HCN2: variants seen among roughly 807,000 people sequenced by gnomAD.
The protein encoded by HCN2 is hyperpolarization activated cyclic nucleotide gated potassium and sodium channel 2, also known as potassium/sodium hyperpolarization-activated cyclic nucleotide-gated channel 2.
In HCN2, 20 loss-of-function variants were observed where a neutral mutation model predicts 52.3. That is an observed-to-expected ratio of 0.38 (90% CI 0.27 to 0.56). The LOEUF (loss-of-function observed/expected upper bound fraction) is 0.56, where lower values mean the gene tolerates loss of function less well. Among genes scored for constraint, HCN2 ranks in the 20% least tolerant of loss-of-function variants. The probability of loss-of-function intolerance (pLI) is 0.71; values close to 1 mark genes in which losing one functional copy is unlikely to be tolerated. For missense variants in HCN2, 981 were observed against 1,207.7 expected (o/e 0.81, Z 2.78); for synonymous variants, 694 against 537.0 (o/e 1.29, Z -4.04).
intron 3 of HCN2, among the ~76,000 whole-genome samples, chr19:607,338 C>T (rs1001863642): frequency 6.6e-6 from 1 of 152,216 alleles, no homozygotes; most frequent in African/African-American, 2.4e-5. Context: ...CCCCAGCGTC[C>T]AGCCACATAT....
Position 616,199 on chromosome 19 carries a change from C to CCCG in HCN2, c.2401_2403dup (p.Ala801dup). 3 of 982,852 alleles carry CCCG rather than the reference C, an allele frequency of 3.1e-6. No homozygotes were observed. The highest frequency in any genetic ancestry group is 3.6e-6 in the Non-Finnish European group (3 of 828,916). The allele number at this position is 982,852 out of a possible 1,614,324, so 60.9% of individuals were successfully genotyped here. ...GCGGACCTCGCCCTACGGCGGCCTG[C>CCCG]CCGCCGCCCCCCTTGCTGGGCCCGC... On this transcript the variant is annotated inframe_insertion, in exon 8 of 8. Transcript: ENST00000251287.
At position 610,424 on chromosome 19, in the gene HCN2, G is replaced by A. The variant is rs772457159; in HGVS notation, c.1584+19G>A. On this transcript the variant is annotated intron_variant, in intron 5 of 7. Transcript: ENST00000251287. Reference sequence around the variant, plus strand: ...GCGGGAGGTGAGGCGGGCGCCGGGCGGGCGGGAGGCAGCCTCCGGTACAGG... The same window carrying A: ...GCGGGAGGTGAGGCGGGCGCCGGGCAGGCGGGAGGCAGCCTCCGGTACAGG... 3.0e-5 allele frequency: 48 copies of A among 1,608,562 alleles called. No homozygotes were observed. Among genetic ancestry groups the A allele is most frequent in the Middle Eastern group, 3.5e-4 (2 of 5,722 alleles).
At chr19:600,084 G>A (rs553638227) in intron 1 of HCN2, among the ~76,000 whole-genome samples, 1 of 152,260 alleles carries the variant, frequency 6.6e-6, no homozygotes, top group Admixed American at 6.5e-5. Context: ...TCTGAGTCAG[G>A]CACACGCAGG....
chr19:604,744 G>T (rs1474885393), intron 2 of HCN2, among the ~76,000 whole-genome samples: 1 of 140,810 alleles, frequency 7.1e-6, no homozygotes, highest in Non-Finnish European at 1.6e-5. Context: ...GGGATATGAG[G>T]GTTGTGCTGG....
chr19:604,671 G>A (rs1467672740), intron 2 of HCN2, among the ~76,000 whole-genome samples: 2 of 135,408 alleles, frequency 1.5e-5, no homozygotes. Context: ...GTGCTGGGCG[G>A]GGTCAGGCAG....
At chr19:613,801 GGCC>G in intron 6 of HCN2, 48 bp from the exon 7 acceptor site, 3 of 1,445,050 alleles carry the variant, frequency 2.1e-6, no homozygotes, top group Non-Finnish European at 2.7e-6. Flanking sequence ...GGGCGGGGAG[GGCC>G]GCGGCGCCCG....
At chr19:613,656 T>TCC (rs1568368782) in intron 6 of HCN2, among the ~76,000 whole-genome samples, 168 bp downstream of exon 6, 122 of 5,852 alleles carry the variant, frequency 0.021, 5 homozygotes, top group African/African-American at 0.087. Context: ...GGGATGGGGA[T>TCC]GGGGCCGGGG....
At chr19:610,528 A>T (rs1239191533) in intron 5 of HCN2, 123 bp downstream of exon 5, 5 of 830,760 alleles carry the variant, frequency 6.0e-6, no homozygotes, top group Non-Finnish European at 9.7e-6. Flanking sequence ...GAGGGACTCG[A>T]GCTAGACCTG....
rs1600544606 is a variant in HCN2, at chr19:616,511, G to A, written c.*37G>A. The A allele has an allele frequency of 7.7e-6, 9 of 1,164,582 alleles. No individual in the cohort carries two copies. The highest frequency in any genetic ancestry group is 7.5e-6 in the Non-Finnish European group (7 of 934,400). The allele number at this position is 1,164,582 out of a possible 1,614,324, so 72.1% of individuals were successfully genotyped here. A position where few individuals can be genotyped will look rare whatever the true frequency, so the allele number is the denominator to read the frequency against. On this transcript the variant is annotated 3_prime_UTR_variant, in exon 8 of 8. Coordinates refer to ENST00000251287, the MANE Select transcript of HCN2 (RefSeq NM_001194.4). ...CGCCCCGCGGGCCCAGGCGGGCCGG[G>A]GGCGGGGCCGTCATCCAGACCAAAG... is the stretch of plus-strand genomic sequence containing the variant.
chr19:616,198 G>A lies in HCN2; in HGVS notation c.2394G>A (p.Leu798=). ...CGCGGACCTCGCCCTACGGCGGCCTGCCCGCCGCCCCCCTTGCTGGGCCCG... is the reference window on the plus strand; with the variant it reads ...CGCGGACCTCGCCCTACGGCGGCCTACCCGCCGCCCCCCTTGCTGGGCCCG... ...RAPRTSPYGG[L]PAAPLAGPAL... The change falls in exon 8 of 8, where the codon CTG becomes CTA. Residue 798 remains leucine, a synonymous_variant. Transcript: ENST00000251287. The A allele has an allele frequency of 1.0e-6, 1 of 981,990 alleles. No individual in the cohort carries two copies. The highest frequency in any genetic ancestry group is 1.2e-6 in the Non-Finnish European group (1 of 829,070). 60.8% of individuals were successfully genotyped at this position (981,990 alleles called of 1,614,324 possible).
rs539862081 is a variant in HCN2, at chr19:603,170, T to A, written c.633-374T>A. Reference sequence around the variant, plus strand: ...TCCCACAGGGAAGAGGGCCCGGGGCTGGTCCCATAGGTGCCTGGGGGAATG... The same window carrying A: ...TCCCACAGGGAAGAGGGCCCGGGGCAGGTCCCATAGGTGCCTGGGGGAATG... On this transcript the variant is annotated intron_variant, in intron 1 of 7. Coordinates refer to ENST00000251287, the MANE Select transcript of HCN2 (RefSeq NM_001194.4). Among the ~76,000 whole-genome samples the A allele has an allele frequency of 7.6e-5, 9 of 119,172 alleles. 2 individuals are homozygous for A. The highest frequency in any genetic ancestry group is 1.6e-4 in the Non-Finnish European group (9 of 57,528). 78.2% of individuals were successfully genotyped at this position (119,172 alleles called of 152,430 possible). A position where few individuals can be genotyped will look rare whatever the true frequency, so the allele number is the denominator to read the frequency against.
chr19:616,340 C>T lies in HCN2; in HGVS notation c.2536C>T (p.Pro846Ser), dbSNP rs1299321493. The T allele has an allele frequency of 1.7e-6, 2 of 1,208,130 alleles. No homozygotes were observed. Among genetic ancestry groups the T allele is most frequent in the Non-Finnish European group, 1.0e-6 (1 of 959,492 alleles). The allele number at this position is 1,208,130 out of a possible 1,614,324, so 74.8% of individuals were successfully genotyped here. A position where few individuals can be genotyped will look rare whatever the true frequency, so the allele number is the denominator to read the frequency against. Reference sequence around the variant, plus strand: ...CACACGCCCGGCCAGCAGCTCCACACCGCGCTTGGGGCCCACGCCCGCTGC... The same window carrying T: ...CACACGCCCGGCCAGCAGCTCCACATCGCGCTTGGGGCCCACGCCCGCTGC... ...ASTRPASSST[P>S]RLGPTPAARA... Residue 846 changes from proline to serine, a missense_variant, in exon 8 of 8, where the codon CCG becomes TCG. This residue lies in a region of HCN2 where 368 missense variants were observed against 314.8 expected (regional missense o/e 1.17). Transcript: ENST00000251287.
At position 616,931 on chromosome 19, in the gene HCN2, C is replaced by G; in HGVS notation, c.*457C>G. The G allele has an allele frequency of 2.7e-6, 1 of 372,644 alleles. No individual in the cohort carries two copies. Among genetic ancestry groups the G allele is most frequent in the Non-Finnish European group, 5.0e-6 (1 of 200,358 alleles). 23.1% of individuals were successfully genotyped at this position (372,644 alleles called of 1,614,324 possible). ...GCTCACGCAATAACCGGCCCGGCCC[C>G]CGTCCGCGCGCGTCCCCCGGTGACC... On this transcript the variant is annotated 3_prime_UTR_variant, in exon 8 of 8. Coordinates refer to ENST00000251287, the MANE Select transcript of HCN2 (RefSeq NM_001194.4).
intron 1 of HCN2, among the ~76,000 whole-genome samples, chr19:598,099 C>A (rs548201284): frequency 2.5e-4 from 38 of 152,194 alleles, no homozygotes; most frequent in Non-Finnish European, 4.1e-4. Context: ...GGCAGGGGGC[C>A]AGCGGCAGGC....
At chr19:595,560 T>C (rs3852909) in intron 1 of HCN2, among the ~76,000 whole-genome samples, 24,404 of 151,868 alleles carry the variant, frequency 0.16, 2,502 homozygotes, top group East Asian at 0.4. Context: ...CCTCACCATC[T>C]CATCCACCCA....
Position 613,146 on chromosome 19 carries a change from C to G in HCN2, c.1585-102C>G, listed in dbSNP as rs1174362072. On this transcript the variant is annotated intron_variant, in intron 5 of 7. Transcript: ENST00000251287. ...TACGGGGCTGAGCCCGTCTCTCAGA[C>G]GAGGAAACTGGGGTCCGAGAGGTGA... 5 of 1,429,430 alleles carry G rather than the reference C, an allele frequency of 3.5e-6. 1 individual carries two copies. In the South Asian group the frequency reaches 5.4e-5, roughly 15 times the overall value. 88.5% of individuals were successfully genotyped at this position (1,429,430 alleles called of 1,614,324 possible).
At chr19:603,321 C>T (rs373300903) in intron 1 of HCN2, among the ~76,000 whole-genome samples, 54 of 100,556 alleles carry the variant, frequency 5.4e-4, no homozygotes, top group East Asian at 9.4e-4. Context: ...GAGGAATGCC[C>T]GGGGCTGGTC....
chr19:612,427 T>TGTGTGTGTGTGTGTGTGTGAGAGA, intron 5 of HCN2, among the ~76,000 whole-genome samples: 32 of 142,358 alleles, frequency 2.2e-4, no homozygotes, highest in African/African-American at 3.4e-4. Context: ...TGTGTGTGTG[T>TGTGTGTGTGTGTGTGTGTGAGAGA]GAGAGAGAGA....
intron 7 of HCN2, 40 bp downstream of exon 7, chr19:614,056 C>A (rs775095216): frequency 1.6e-6 from 2 of 1,285,846 alleles, no homozygotes; most frequent in African/African-American, 1.7e-5. Context: ...GGTGCCCTGG[C>A]GGGGGAGGGG....
Sources: gnomAD v4.1 joint callset for allele counts (sites outside exome capture counted in the v4.1 genomes callset) on GRCh38, gnomAD v4.1.1 for gene constraint, gnomAD v4.1.1 regional missense constraint, MANE v1.5 for transcripts, NCBI Gene and HGNC (gene_info 2026-07-23, HGNC 2026-07-21) for gene names.